FYB1: variants seen among roughly 807,000 people sequenced by gnomAD.
FYB1 encodes FYN-binding protein 1.
A neutral mutation model predicts 94.1 loss-of-function variants in FYB1; 41 were observed. The ratio of observed to expected loss-of-function variants is 0.44; its 90% CI spans 0.34 to 0.57. FYB1 has a LOEUF of 0.57. FYB1 is among the 20% of genes least tolerant of loss of function. The pLI is 0.02. For synonymous variants in FYB1, 367 were observed against 353.2 expected, an observed-to-expected ratio of 1.04 and a Z score of -0.44; for missense variants, 1,050 against 976.8, an observed-to-expected ratio of 1.07 and a Z score of -1.00.
intron 2 of FYB1, among the ~76,000 whole-genome samples, chr5:39,183,554 G>A (rs938043278): frequency 3.3e-5 from 5 of 152,138 alleles, no homozygotes; most frequent in African/African-American, 1.2e-4. Context: ...AGCATCTACA[G>A]TGAGATGTTC....
chr5:39,165,303 T>C (rs1356562866), intron 2 of FYB1, among the ~76,000 whole-genome samples: 1 of 152,108 alleles, frequency 6.6e-6, no homozygotes, highest in Non-Finnish European at 1.5e-5. Flanking sequence ...CATAGGTCAA[T>C]GGAATGGAAT....
At chr5:39,256,335 T>C (rs992021031) in intron 1 of FYB1, among the ~76,000 whole-genome samples, 2 of 152,140 alleles carry the variant, frequency 1.3e-5, no homozygotes, top group Non-Finnish European at 2.9e-5. Flanking sequence ...TTTTGGTGTA[T>C]GTGGCTTACA....
intron 1 of FYB1, among the ~76,000 whole-genome samples, chr5:39,230,941 C>A (rs1046865449): frequency 6.6e-6 from 1 of 151,108 alleles, no homozygotes; most frequent in Non-Finnish European, 1.5e-5. Context: ...TTGTCCCAGG[C>A]CAACCGTAAT....
At chr5:39,239,199 A>T (rs1751100111) in intron 1 of FYB1, among the ~76,000 whole-genome samples, 1 of 152,160 alleles carries the variant, frequency 6.6e-6, no homozygotes, top group Non-Finnish European at 1.5e-5. Flanking sequence ...GCCCACAGCC[A>T]ACATCATACT....
intron 14 of FYB1, among the ~76,000 whole-genome samples, chr5:39,121,900 T>G (rs578088759): frequency 6.6e-6 from 1 of 152,176 alleles, no homozygotes; most frequent in East Asian, 1.9e-4. Context: ...AGTGCTGAGA[T>G]GTAAGCTAAG....
chr5:39,107,622 T>C (rs1738649721), intron 18 of FYB1, among the ~76,000 whole-genome samples, 157 bp from the exon 19 acceptor site: 1 of 152,086 alleles, frequency 6.6e-6, no homozygotes, highest in African/African-American at 2.4e-5. Context: ...TGGAAGATCA[T>C]ATATTTAACT....
At chr5:39,257,406 G>A (rs1179254323) in intron 1 of FYB1, among the ~76,000 whole-genome samples, 4 of 141,628 alleles carry the variant, frequency 2.8e-5, no homozygotes, top group East Asian at 2.0e-4. Context: ...ACTTAGGTTC[G>A]TCTTGCAGAA....
chr5:39,166,756 T>C (rs749500015), intron 2 of FYB1, among the ~76,000 whole-genome samples: 31 of 152,056 alleles, frequency 2.0e-4, no homozygotes, highest in African/African-American at 5.8e-4. Context: ...AAATTAAATA[T>C]AGACGCGGAC....
At chr5:39,154,255 T>G (rs937963720) in intron 2 of FYB1, among the ~76,000 whole-genome samples, 1 of 152,176 alleles carries the variant, frequency 6.6e-6, no homozygotes, top group Non-Finnish European at 1.5e-5. Flanking sequence ...ATCAGTTGTT[T>G]CTATATCTTT....
intron 4 of FYB1, 75 bp from the exon 5 acceptor site, chr5:39,139,327 T>C: frequency 8.3e-7 from 1 of 1,202,164 alleles, no homozygotes; most frequent in Non-Finnish European, 1.1e-6. Context: ...TTGGATATGA[T>C]ATAATAATAT....
In FYB1 at chr5:39,122,350, T is replaced by C; in HGVS notation, c.2124A>G (p.Ser708=). The C allele has an allele frequency of 6.4e-7, 1 of 1,572,332 alleles. No individual in the cohort carries two copies. Among genetic ancestry groups the C allele is most frequent in the East Asian group, 2.3e-5 (1 of 43,892 alleles). The change falls in exon 14 of 19, where the codon TCA becomes TCG. Residue 708 remains serine, a synonymous_variant. Transcript: ENST00000512982. ...ATTTTAATTACCTCATCTCTGCTGATGAAACAGGGAAATCAGAGGTATCCA... is the reference window on the plus strand; with the variant it reads ...ATTTTAATTACCTCATCTCTGCTGACGAAACAGGGAAATCAGAGGTATCCA... The part of the protein sequence containing the change: ...DDVDTSDFPV[S]SAEMSQGTNV...
At chr5:39,120,653 G>A (rs190166255) in intron 14 of FYB1, among the ~76,000 whole-genome samples, 122 of 152,210 alleles carry the variant, frequency 8.0e-4, no homozygotes, top group African/African-American at 2.8e-3. Flanking sequence ...ATTATGGATG[G>A]TAGGGAAGAG....
intron 12 of FYB1, among the ~76,000 whole-genome samples, chr5:39,124,806 G>A (rs1408941307): frequency 6.6e-6 from 1 of 151,974 alleles, no homozygotes; most frequent in Non-Finnish European, 1.5e-5. Flanking sequence ...AAACCAGAGA[G>A]TGAGAGCTTA....
At chr5:39,196,844 G>A (rs970706155) in intron 2 of FYB1, among the ~76,000 whole-genome samples, 1 of 152,228 alleles carries the variant, frequency 6.6e-6, no homozygotes, top group African/African-American at 2.4e-5. Flanking sequence ...GTCATGTTAT[G>A]CCTTTGGGCA....
chr5:39,221,746 C>A (rs192423123), upstream of FYB1, among the ~76,000 whole-genome samples: 937 of 152,248 alleles, frequency 6.2e-3, 10 homozygotes, highest in African/African-American at 0.021. Flanking sequence ...CCTATAATCC[C>A]AGCACTTTGG....
chr5:39,140,130 A>G (rs1215835981), intron 4 of FYB1: 1 of 152,246 alleles, frequency 6.6e-6, no homozygotes, highest in East Asian at 1.9e-4. Flanking sequence ...GGCAAAATTA[A>G]TACATTCGAT....
chr5:39,137,052 T>A (rs1741731150), intron 7 of FYB1, among the ~76,000 whole-genome samples: 1 of 151,782 alleles, frequency 6.6e-6, no homozygotes, highest in Non-Finnish European at 1.5e-5. Flanking sequence ...AATACAGAGG[T>A]CAGAATCCAG....
intron 1 of FYB1, among the ~76,000 whole-genome samples, chr5:39,214,509 A>G (rs1288102877): frequency 6.6e-6 from 1 of 152,264 alleles, no homozygotes; most frequent in African/African-American, 2.4e-5. Context: ...TGACAGATAG[A>G]GGGATAAACA....
chr5:39,179,010 G>C (rs1488703060), intron 2 of FYB1, among the ~76,000 whole-genome samples: 1 of 152,142 alleles, frequency 6.6e-6, no homozygotes, highest in Non-Finnish European at 1.5e-5. Context: ...GTAAATGTCG[G>C]CTTGTTTGTT....
Sources: gnomAD v4.1 joint callset for allele counts (sites outside exome capture counted in the v4.1 genomes callset) on GRCh38, gnomAD v4.1.1 for gene constraint, MANE v1.5 for transcripts, NCBI Gene and HGNC (gene_info 2026-07-23, HGNC 2026-07-21) for gene names.